Variants in ERH observed in about 807,000 individuals in gnomAD.
The protein encoded by ERH is enhancer of rudimentary homolog.
In ERH, 1 loss-of-function variant was observed where a neutral mutation model predicts 16.8. That is an observed-to-expected ratio of 0.06 (90% CI 0.02 to 0.28). The LOEUF is 0.28. Ranked by LOEUF, ERH falls within the 10% of genes least tolerant of loss-of-function variation. The pLI is 1.00. For missense variants in ERH, 42 were observed against 127.5 expected (o/e 0.33, Z 3.23); for synonymous variants, 43 against 43.6 (o/e 0.99, Z 0.05).
At chr14:69,383,996 T>A (rs756304841) in intron 3 of ERH, among the ~76,000 whole-genome samples, 4 of 152,104 alleles carry the variant, frequency 2.6e-5, no homozygotes, top group South Asian at 2.1e-4. Flanking sequence ...ATTTTTTTTT[T>A]ATAAAGTCTA....
At chr14:69,387,449 A>C (rs1336298246) in intron 2 of ERH, among the ~76,000 whole-genome samples, 1 of 152,106 alleles carries the variant, frequency 6.6e-6, no homozygotes, top group Non-Finnish European at 1.5e-5. Context: ...GGTCCCAGCT[A>C]CCTGGGAAGC....
intron 3 of ERH, among the ~76,000 whole-genome samples, chr14:69,385,515 C>G (rs1032173561): frequency 6.6e-6 from 1 of 152,014 alleles, no homozygotes; most frequent in Admixed American, 6.6e-5. Context: ...CTATCAGTTT[C>G]TCCTTCTCTG....
intron 2 of ERH, among the ~76,000 whole-genome samples, chr14:69,391,990 C>T (rs1323935910): frequency 6.6e-6 from 1 of 152,046 alleles, no homozygotes; most frequent in African/African-American, 2.4e-5. Context: ...ATTCACCAAT[C>T]CCAACAAGTG....
At chr14:69,397,352 C>T (rs2140235940) in intron 1 of ERH, among the ~76,000 whole-genome samples, 1 of 151,856 alleles carries the variant, frequency 6.6e-6, no homozygotes, top group Admixed American at 6.6e-5. Flanking sequence ...GCTGAGCCTA[C>T]TTTTCAGCCT....
intron 1 of ERH, among the ~76,000 whole-genome samples, chr14:69,397,219 G>A (rs753981467): frequency 3.3e-5 from 5 of 152,138 alleles, no homozygotes; most frequent in Admixed American, 6.5e-5. Context: ...ATTTTTAAAT[G>A]GCAATGCTTT....
At chr14:69,388,043 TCAAACAAA>T (rs34457663) in intron 2 of ERH, among the ~76,000 whole-genome samples, 12 of 152,184 alleles carry the variant, frequency 7.9e-5, no homozygotes, top group Admixed American at 1.3e-4. Flanking sequence ...AGACTCTGTC[TCAAACAAA>T]CAAACAAACA....
At position 69,398,259 on chromosome 14, in the gene ERH, A is replaced by G. The variant is rs758435328; in HGVS notation, c.-26T>C. Reference sequence around the variant, plus strand: ...CGCGCCAAACTCTCTTCGCTACAGCAGCTGCCGACACCGCCGCCGTTACAC... The same window carrying G: ...CGCGCCAAACTCTCTTCGCTACAGCGGCTGCCGACACCGCCGCCGTTACAC... On this transcript the variant is annotated 5_prime_UTR_variant, in exon 1 of 4. Coordinates refer to ENST00000557016, the MANE Select transcript of ERH (RefSeq NM_004450.3). 22 of 1,613,246 alleles carry G rather than the reference A, an allele frequency of 1.4e-5. No homozygotes were observed. The highest frequency in any genetic ancestry group is 1.6e-4 in the Middle Eastern group (1 of 6,082).
In ERH at chr14:69,396,174, T is replaced by C. The variant is rs569401870; in HGVS notation, c.4-1262A>G. The stretch of plus-strand genomic sequence containing the variant: ...CCAGTCCCAAATCAAACTATTCACC[T>C]TTTTCCTTCTCTTCTGCTGTACTAG... On this transcript the variant is annotated intron_variant, in intron 1 of 3. Transcript: ENST00000557016. Among the ~76,000 whole-genome samples, 5 of 152,356 alleles carry C rather than the reference T, an allele frequency of 3.3e-5. No homozygotes were observed. In the East Asian group the frequency reaches 9.6e-4, roughly 29 times the overall value.
chr14:69,393,987 C>T (rs180773516), intron 2 of ERH, among the ~76,000 whole-genome samples: 1 of 151,878 alleles, frequency 6.6e-6, no homozygotes, highest in East Asian at 1.9e-4. Flanking sequence ...CCACTGTACC[C>T]CAGCCTGGGT....
Position 69,387,031 on chromosome 14 carries a change from G to A in ERH, c.144C>T (p.Pro48=). The A allele has an allele frequency of 6.2e-7, 1 of 1,613,606 alleles. No homozygotes were observed. The highest frequency in any genetic ancestry group is 8.5e-7 in the Non-Finnish European group (1 of 1,179,542). The change falls in exon 3 of 4, where the codon CCC becomes CCT. Residue 48 remains proline, a synonymous_variant. Coordinates refer to ENST00000557016, the MANE Select transcript of ERH (RefSeq NM_004450.3). The part of the protein sequence containing the change: ...EHLKRMNPNS[P]SITYDISQLF... ...ACTGACTGATGTCATATGTGATAGAGGGACTGTTGGGATTCATTCTTTTCA... is the reference window on the plus strand; with the variant it reads ...ACTGACTGATGTCATATGTGATAGAAGGACTGTTGGGATTCATTCTTTTCA...
At chr14:69,383,529 C>T (rs972129479) in intron 3 of ERH, among the ~76,000 whole-genome samples, 6 of 152,160 alleles carry the variant, frequency 3.9e-5, no homozygotes, top group African/African-American at 1.2e-4. Context: ...ACAAAAAGGA[C>T]ATAACCAAAG....
chr14:69,391,028 G>T (rs79751019), intron 2 of ERH, among the ~76,000 whole-genome samples: 18,733 of 152,238 alleles, frequency 0.12, 1,378 homozygotes, highest in Middle Eastern at 0.24. Flanking sequence ...CACGCTGGTG[G>T]GAATGCAAAA....
At chr14:69,385,626 G>C (rs1404695248) in intron 3 of ERH, among the ~76,000 whole-genome samples, 1 of 139,450 alleles carries the variant, frequency 7.2e-6, no homozygotes, top group Admixed American at 7.4e-5. Context: ...GTTCTTTCAA[G>C]CAAAATTCTT....
At chr14:69,386,894 T>C (rs1594887261) in intron 3 of ERH, 69 bp downstream of exon 3, 1 of 1,520,978 alleles carries the variant, frequency 6.6e-7, no homozygotes, top group Non-Finnish European at 9.0e-7. Context: ...CCCAATACCA[T>C]AAATCACCTC....
At chr14:69,394,017 T>A (rs1250134800) in intron 2 of ERH, among the ~76,000 whole-genome samples, 2 of 150,788 alleles carry the variant, frequency 1.3e-5, no homozygotes, top group Non-Finnish European at 2.9e-5. Flanking sequence ...AGACCCCGTG[T>A]CTTAAGGAAA....
intron 2 of ERH, among the ~76,000 whole-genome samples, chr14:69,389,274 G>A (rs895643635): frequency 5.3e-5 from 8 of 152,136 alleles, no homozygotes; most frequent in African/African-American, 1.7e-4. Flanking sequence ...TGATCCACCC[G>A]CGTCGGCCTC....
chr14:69,391,264 GGT>G (rs1021174154), intron 2 of ERH, among the ~76,000 whole-genome samples: 3 of 152,074 alleles, frequency 2.0e-5, no homozygotes, highest in Admixed American at 1.3e-4. Flanking sequence ...ACCAAACCAT[GGT>G]ACATTCATTC....
At chr14:69,394,750 A>G in intron 2 of ERH, 75 bp downstream of exon 2, 1 of 1,109,980 alleles carries the variant, frequency 9.0e-7, no homozygotes, top group Non-Finnish European at 1.3e-6. Context: ...ACTATTAAAA[A>G]AAAAAAATTT....
chr14:69,396,866 A>G (rs1297375869), intron 1 of ERH, among the ~76,000 whole-genome samples: 7 of 152,250 alleles, frequency 4.6e-5, no homozygotes, highest in African/African-American at 1.7e-4. Context: ...TTTGTTATAC[A>G]GAAGTCTTTG....
Sources: gnomAD v4.1 joint callset for allele counts (sites outside exome capture counted in the v4.1 genomes callset) on GRCh38, gnomAD v4.1.1 for gene constraint, MANE v1.5 for transcripts, NCBI Gene and HGNC (gene_info 2026-07-23, HGNC 2026-07-21) for gene names.